The following RNF212B variants were observed in gnomAD, a reference collection of about 807,000 sequenced individuals.
RNF212B encodes E3 ubiquitin-protein ligase RNF212B.
A neutral mutation model predicts 55.5 loss-of-function variants in RNF212B; 52 were observed. The observed-to-expected ratio is 0.94, with a 90% CI of 0.75 to 1.18. The LOEUF (loss-of-function observed/expected upper bound fraction) is 1.18, where lower values mean the gene tolerates loss of function less well. RNF212B is among the 50% of genes most tolerant of loss of function. The pLI, the probability that RNF212B is intolerant of heterozygous loss-of-function variation, is 0.00. For missense variants in RNF212B, 289 were observed against 350.4 expected (o/e 0.82, Z 1.40); for synonymous variants, 99 against 121.4 (o/e 0.82, Z 1.21).
chr14:23,223,432 T>C (rs1347615426), intron 2 of RNF212B, among the ~76,000 whole-genome samples: 1 of 151,988 alleles, frequency 6.6e-6, no homozygotes, highest in Non-Finnish European at 1.5e-5. Context: ...CTCGGCTCAC[T>C]GCAACCTCCG....
At chr14:23,259,770 T>C (rs1885162489) in intron 5 of RNF212B, 114 bp from the exon 6 acceptor site, 1 of 486,654 alleles carries the variant, frequency 2.1e-6, no homozygotes, top group African/African-American at 2.0e-5. Flanking sequence ...ATAGCTTGTA[T>C]AGCTGCAAGC....
upstream of RNF212B, among the ~76,000 whole-genome samples, chr14:23,237,749 G>A (rs939351293): frequency 2.0e-5 from 3 of 152,174 alleles, no homozygotes; most frequent in Admixed American, 2.0e-4. Context: ...TAAGTGAGGT[G>A]AATTTTCCTG....
In RNF212B at chr14:23,240,445, G is replaced by C. The variant is rs906017727; in HGVS notation, c.100G>C (p.Glu34Gln). Residue 34 changes from glutamate to glutamine, a missense_variant and splice_region_variant, in exon 2 of 15, where the codon GAA (glutamate) becomes CAA (glutamine). Glu to Gln is a conservative substitution (Grantham distance 29). Coordinates refer to ENST00000430154, the MANE Select transcript of RNF212B (RefSeq NM_001282322.3). ...HIFCKKCVTL[E>Q]KCAVCGTACK... ...TTTCTGTAAAAAGTGTGTGACTCTG[G>C]GTGAGTGACTCAACTGTTTTCAGAT... The C allele has an allele frequency of 4.6e-6, 7 of 1,535,654 alleles. No homozygotes were observed. The highest frequency in any genetic ancestry group is 6.2e-6 in the Non-Finnish European group (7 of 1,133,798).
At chr14:23,200,514 T>C (rs149915401) in intron 2 of RNF212B, among the ~76,000 whole-genome samples, 5,996 of 152,142 alleles carry the variant, frequency 0.039, 145 homozygotes, top group Middle Eastern at 0.13. Context: ...TCAGCAGAGA[T>C]GGGGTTTCAC....
rs550904684 is a variant in RNF212B at position 23,255,765 on chromosome 14, C to T, written c.229-2784C>T. 3.3e-5 allele frequency among the ~76,000 whole-genome samples: 5 copies of T among 152,176 alleles called. No individual in the cohort carries two copies. In the East Asian group the frequency reaches 5.8e-4, roughly 18 times the overall value. On this transcript the variant is annotated intron_variant, in intron 4 of 14. Coordinates refer to ENST00000430154, the MANE Select transcript of RNF212B (RefSeq NM_001282322.3). ...CAAAAGTTAATCTTCTTTGGAAAAA[C>T]GAAAGAGACCAACCTCTTCATGAGG...
At chr14:23,216,930 T>C (rs1224444408) in intron 2 of RNF212B, among the ~76,000 whole-genome samples, 1 of 143,092 alleles carries the variant, frequency 7.0e-6, no homozygotes, top group Non-Finnish European at 1.5e-5. Context: ...TTACAGATTG[T>C]ATGATTCCAC....
At chr14:23,251,859 C>A (rs966869447) in intron 4 of RNF212B, among the ~76,000 whole-genome samples, 2 of 151,304 alleles carry the variant, frequency 1.3e-5, no homozygotes, top group Non-Finnish European at 2.9e-5. Flanking sequence ...TGGAAATAGC[C>A]AAATGGAAAA....
At chr14:23,243,144 AC>A (rs1883719656) in intron 2 of RNF212B, 111 bp from the exon 3 acceptor site, 3 of 708,938 alleles carry the variant, frequency 4.2e-6, no homozygotes, top group African/African-American at 3.7e-5. Flanking sequence ...TCAGTTAAGA[AC>A]CCTTTTTTTC....
chr14:23,273,128 G>T lies in RNF212B; in HGVS notation c.*237G>T. ...GTTTATATCTCTTCCAGAAGACACT[G>T]GTAGCTCCCCTCATTTCCTACAATT... On this transcript the variant is annotated 3_prime_UTR_variant, in exon 15 of 15. Transcript: ENST00000430154. The T allele has an allele frequency of 3.0e-6, 1 of 332,192 alleles. No individual in the cohort carries two copies. The highest frequency in any genetic ancestry group is 5.5e-6 in the Non-Finnish European group (1 of 182,230). 20.6% of individuals were successfully genotyped at this position (332,192 alleles called of 1,614,324 possible). A position where few individuals can be genotyped will look rare whatever the true frequency, so the allele number is the denominator to read the frequency against.
Position 23,272,936 on chromosome 14 carries a change from T to G in RNF212B, c.*45T>G. On this transcript the variant is annotated 3_prime_UTR_variant, in exon 15 of 15. Transcript: ENST00000430154. The stretch of plus-strand genomic sequence containing the variant: ...CTATACATGCTGCTGAAGGATGGAC[T>G]GTAGCTTCCAGTACGCATTAGGGGT... The G allele has an allele frequency of 3.4e-6, 4 of 1,190,718 alleles. No individual in the cohort carries two copies. Among genetic ancestry groups the G allele is most frequent in the Non-Finnish European group, 4.7e-6 (4 of 845,772 alleles). 73.8% of individuals were successfully genotyped at this position (1,190,718 alleles called of 1,614,324 possible).
chr14:23,192,941 A>T (rs1684709576), intron 1 of RNF212B, among the ~76,000 whole-genome samples: 1 of 151,870 alleles, frequency 6.6e-6, no homozygotes, highest in African/African-American at 2.4e-5. Flanking sequence ...AAAATACAAA[A>T]ATTAGCCGGG....
chr14:23,197,162 T>A (rs1402334477), intron 2 of RNF212B, among the ~76,000 whole-genome samples: 2 of 152,214 alleles, frequency 1.3e-5, no homozygotes, highest in Non-Finnish European at 1.5e-5. Context: ...AGATTTGGGC[T>A]AAAAAATCAT....
intron 4 of RNF212B, 116 bp downstream of exon 4, chr14:23,244,512 CTGCTTTCTT>C: frequency 1.7e-6 from 1 of 581,024 alleles, no homozygotes; most frequent in South Asian, 2.3e-5. Flanking sequence ...GGGAAATTGA[CTGCTTTCTT>C]TGCTTTCTTC....
chr14:23,254,285 TCAAAAACAAAA>T (rs1381171105), intron 4 of RNF212B, among the ~76,000 whole-genome samples: 58 of 96,622 alleles, frequency 6.0e-4, no homozygotes, highest in African/African-American at 3.0e-3. Context: ...ACTCTTTATC[TCAAAAACAAAA>T]CAAAACAAAA....
At chr14:23,206,516 C>G (rs1415724628) in intron 2 of RNF212B, among the ~76,000 whole-genome samples, 1 of 152,194 alleles carries the variant, frequency 6.6e-6, no homozygotes, top group Non-Finnish European at 1.5e-5. Flanking sequence ...GGCATGCCGA[C>G]AGCAGTACAT....
At chr14:23,253,925 CA>C (rs1449611259) in intron 4 of RNF212B, among the ~76,000 whole-genome samples, 1 of 152,058 alleles carries the variant, frequency 6.6e-6, no homozygotes. Flanking sequence ...TACAGATGTT[CA>C]AAAATTAAAT....
At chr14:23,270,769 G>A in intron 14 of RNF212B, 108 bp downstream of exon 14, 2 of 722,230 alleles carry the variant, frequency 2.8e-6, no homozygotes, top group Non-Finnish European at 4.9e-6. Context: ...AACGACATGG[G>A]TTTCAACTCT....
At chr14:23,227,614 T>A (rs1750171999) in intron 2 of RNF212B, among the ~76,000 whole-genome samples, 1 of 152,138 alleles carries the variant, frequency 6.6e-6, no homozygotes, top group South Asian at 2.1e-4. Flanking sequence ...TTTTTTTGTT[T>A]GTTTTGAGAC....
At chr14:23,229,220 T>TTATTTATATA (rs1882311362) in intron 2 of RNF212B, among the ~76,000 whole-genome samples, 1 of 65,036 alleles carries the variant, frequency 1.5e-5, no homozygotes, top group African/African-American at 5.0e-5. Context: ...GAATAATATT[T>TTATTTATATA]TATATATATA....
Sources: gnomAD v4.1 joint callset for allele counts (sites outside exome capture counted in the v4.1 genomes callset) on GRCh38, gnomAD v4.1.1 for gene constraint, MANE v1.5 for transcripts, NCBI Gene and HGNC (gene_info 2026-07-23, HGNC 2026-07-21) for gene names.